Variants in LONRF2 observed in about 807,000 individuals in gnomAD.
The protein encoded by LONRF2 is LON peptidase N-terminal domain and ring finger 2, also known as LON peptidase N-terminal domain and RING finger protein 2.
LONRF2 carries 35 observed loss-of-function variants against 66.6 expected under a neutral mutation model. That is an observed-to-expected ratio of 0.53 (90% CI 0.40 to 0.70). The LOEUF (loss-of-function observed/expected upper bound fraction) is 0.70. LONRF2 is among the 30% of genes least tolerant of loss of function. LONRF2 has a pLI of 0.00. For synonymous variants in LONRF2, 417 were observed against 418.1 expected (o/e 1.00, Z 0.03); for missense variants, 902 against 1,002.1 (o/e 0.90, Z 1.35).
chr2:100,310,922 T>C (rs1399791766), intron 1 of LONRF2, among the ~76,000 whole-genome samples: 2 of 152,220 alleles, frequency 1.3e-5, no homozygotes, highest in Non-Finnish European at 1.5e-5. Context: ...ATGAGAAGAA[T>C]GGAATTCTTG....
rs1244592174 is a variant in LONRF2 at position 100,278,429 on chromosome 2, G to A, written c.*5869C>T. On this transcript the variant is annotated 3_prime_UTR_variant, in exon 12 of 12. Transcript: ENST00000393437. ...TAACCCCAGGGCTCCCACAGGCCGT[G>A]CAGCTGCTCATCCGATACGGGACCC... is the stretch of plus-strand genomic sequence containing the variant. The A allele has an allele frequency of 6.6e-6, 1 of 152,138 alleles. No individual in the cohort carries two copies. Among genetic ancestry groups the A allele is most frequent in the Non-Finnish European group, 1.5e-5 (1 of 68,062 alleles). 9.4% of individuals were successfully genotyped at this position (152,138 alleles called of 1,614,324 possible). A position where few individuals can be genotyped will look rare whatever the true frequency, so the allele number is the denominator to read the frequency against.
chr2:100,293,997 G>A (rs1171826326), intron 9 of LONRF2, among the ~76,000 whole-genome samples: 3 of 152,162 alleles, frequency 2.0e-5, no homozygotes, highest in African/African-American at 4.8e-5. Flanking sequence ...CACAAGAGAA[G>A]GGCAAGTAGC....
In LONRF2 at chr2:100,273,568, C is replaced by A. The variant is rs905326535; in HGVS notation, c.*10730G>T. 2 of 152,190 alleles carry A rather than the reference C, an allele frequency of 1.3e-5. No individual in the cohort carries two copies. The highest frequency in any genetic ancestry group is 4.8e-5 in the African/African-American group (2 of 41,448). 9.4% of individuals were successfully genotyped at this position (152,190 alleles called of 1,614,324 possible). A position where few individuals can be genotyped will look rare whatever the true frequency, so the allele number is the denominator to read the frequency against. ...ATATCATAACATTTAAGTTTCGTCTCACTTAGGCAACAAGAAATGCTGAGT... is the reference window on the plus strand; with the variant it reads ...ATATCATAACATTTAAGTTTCGTCTAACTTAGGCAACAAGAAATGCTGAGT... On this transcript the variant is annotated 3_prime_UTR_variant, in exon 12 of 12. Coordinates refer to ENST00000393437, the MANE Select transcript of LONRF2 (RefSeq NM_198461.4).
intron 11 of LONRF2, among the ~76,000 whole-genome samples, chr2:100,286,574 G>A (rs1322520915): frequency 1.3e-5 from 2 of 152,132 alleles, no homozygotes; most frequent in Admixed American, 6.5e-5. Context: ...AATGCTATGC[G>A]CCAAACGTGG....
Position 100,284,209 on chromosome 2 carries a change from G to T in LONRF2, c.*89C>A. The T allele has an allele frequency of 8.0e-7, 1 of 1,257,480 alleles. No individual in the cohort carries two copies. The highest frequency in any genetic ancestry group is 1.1e-6 in the Non-Finnish European group (1 of 935,186). 77.9% of individuals were successfully genotyped at this position (1,257,480 alleles called of 1,614,324 possible). A position where few individuals can be genotyped will look rare whatever the true frequency, so the allele number is the denominator to read the frequency against. Reference sequence around the variant, plus strand: ...TTTGGAACCTCATCCACAAGCACTTGATGAAGCACAATGAATGGACGGCTA... The same window carrying T: ...TTTGGAACCTCATCCACAAGCACTTTATGAAGCACAATGAATGGACGGCTA... On this transcript the variant is annotated 3_prime_UTR_variant, in exon 12 of 12. Coordinates refer to ENST00000393437, the MANE Select transcript of LONRF2 (RefSeq NM_198461.4).
intron 7 of LONRF2, among the ~76,000 whole-genome samples, chr2:100,297,897 G>T (rs1048846968): frequency 4.3e-4 from 66 of 152,144 alleles, no homozygotes; most frequent in Non-Finnish European, 6.2e-4. Flanking sequence ...AATTTTAAAG[G>T]TTATAATTAT....
intron 3 of LONRF2, 22 bp downstream of exon 3, chr2:100,302,899 A>G: frequency 6.4e-7 from 1 of 1,561,350 alleles, no homozygotes. Flanking sequence ...TGATAGAGAA[A>G]GTCCTTTAAC....
chr2:100,315,547 C>T (rs1223082921), intron 1 of LONRF2, among the ~76,000 whole-genome samples: 1 of 152,172 alleles, frequency 6.6e-6, no homozygotes, highest in Non-Finnish European at 1.5e-5. Context: ...TAGCTGCTAT[C>T]TCATTTTTGT....
Position 100,276,987 on chromosome 2 carries a change from G to A in LONRF2, c.*7311C>T, listed in dbSNP as rs1044716005. The A allele has an allele frequency of 3.9e-5, 6 of 152,210 alleles. No individual in the cohort carries two copies. Among genetic ancestry groups the A allele is most frequent in the Non-Finnish European group, 8.8e-5 (6 of 68,054 alleles). The allele number at this position is 152,210 out of a possible 1,614,324, so 9.4% of individuals were successfully genotyped here. On this transcript the variant is annotated 3_prime_UTR_variant, in exon 12 of 12. Transcript: ENST00000393437. ...GAAACTCATTGTCACACTCATTAAGGACATACAAGTCCAACATCTTTAGAT... is the reference window on the plus strand; with the variant it reads ...GAAACTCATTGTCACACTCATTAAGAACATACAAGTCCAACATCTTTAGAT...
In LONRF2 at chr2:100,299,850, T is replaced by C; in HGVS notation, c.1134A>G (p.Leu378=). ...ACGCCTTTTTATCCTCTTCAAAGTG[T>C]AGACCCAGTATAAAATACAAAACTG... The part of the protein sequence containing the change: ...NSSVLYFILG[L]HFEEDKKALE... The change falls in exon 5 of 12, where the codon CTA becomes CTG. Residue 378 remains leucine (L), a synonymous_variant. Coordinates refer to ENST00000393437, the MANE Select transcript of LONRF2 (RefSeq NM_198461.4). 6.2e-7 allele frequency: 1 copy of C among 1,612,564 alleles called. No individual in the cohort carries two copies.
intron 11 of LONRF2, among the ~76,000 whole-genome samples, chr2:100,286,070 A>G (rs1674839325): frequency 6.6e-6 from 1 of 152,204 alleles, no homozygotes; most frequent in Non-Finnish European, 1.5e-5. Context: ...CAAGCCAGGA[A>G]GGACTTAATG....
chr2:100,286,787 T>C, intron 11 of LONRF2, 127 bp downstream of exon 11: 3 of 1,075,866 alleles, frequency 2.8e-6, no homozygotes, highest in Non-Finnish European at 3.9e-6. Context: ...TGTTAGTAGA[T>C]GAACTGGTTC....
At chr2:100,317,858 CT>C (rs1039339775) in intron 1 of LONRF2, among the ~76,000 whole-genome samples, 2 of 152,104 alleles carry the variant, frequency 1.3e-5, no homozygotes, top group Non-Finnish European at 2.9e-5. Flanking sequence ...GTCCTGTCTT[CT>C]CTAAATGCAT....
chr2:100,302,149 T>C (rs1481368112), intron 3 of LONRF2, among the ~76,000 whole-genome samples: 1 of 152,122 alleles, frequency 6.6e-6, no homozygotes, highest in African/African-American at 2.4e-5. Context: ...AAACACAGGG[T>C]ACATTAGAAC....
In LONRF2 at chr2:100,281,703, C is replaced by CT. The variant is rs1329517598; in HGVS notation, c.*2594dup. On this transcript the variant is annotated 3_prime_UTR_variant, in exon 12 of 12. Transcript: ENST00000393437. ...TGATTCCAATGTAACGAGAGCATGCCTATTGGAGCACTTTCAGTACAATTA... is the reference window on the plus strand; with the variant it reads ...TGATTCCAATGTAACGAGAGCATGCCTTATTGGAGCACTTTCAGTACAATTA... 1.3e-5 allele frequency: 2 copies of CT among 152,086 alleles called. No homozygotes were observed. The highest frequency in any genetic ancestry group is 2.4e-5 in the African/African-American group (1 of 41,392). The allele number at this position is 152,086 out of a possible 1,614,324, so 9.4% of individuals were successfully genotyped here.
At chr2:100,313,847 CT>C (rs1255009130) in intron 1 of LONRF2, among the ~76,000 whole-genome samples, 1 of 152,074 alleles carries the variant, frequency 6.6e-6, no homozygotes, top group Non-Finnish European at 1.5e-5. Context: ...ATGGAATGTA[CT>C]TTTTTGTATC....
chr2:100,293,717 A>C (rs1573113531), intron 9 of LONRF2, among the ~76,000 whole-genome samples: 1 of 152,200 alleles, frequency 6.6e-6, no homozygotes. Context: ...ACAGAGAAAA[A>C]GCTTTGCGCA....
At chr2:100,305,083 A>G (rs796234161) in intron 2 of LONRF2, among the ~76,000 whole-genome samples, 24 of 152,234 alleles carry the variant, frequency 1.6e-4, no homozygotes, top group African/African-American at 5.8e-4. Flanking sequence ...TAGAACTCGG[A>G]ACTCTGAACT....
At chr2:100,296,871 C>T (rs1315209595) in intron 7 of LONRF2, among the ~76,000 whole-genome samples, 3 of 152,040 alleles carry the variant, frequency 2.0e-5, no homozygotes, top group East Asian at 1.9e-4. Context: ...GATTCAGGTC[C>T]CTGGTAGTGC....
Sources: allele counts gnomAD v4.1 joint callset (sites outside exome capture counted in the v4.1 genomes callset), GRCh38; gene constraint gnomAD v4.1.1; transcripts MANE v1.5; gene names NCBI Gene and HGNC (gene_info 2026-07-23, HGNC 2026-07-21).